EFCAB5: variants seen among roughly 807,000 people sequenced by gnomAD.
EFCAB5 encodes the protein EF-hand calcium-binding domain-containing protein 5.
In EFCAB5, 131 loss-of-function variants were observed where a neutral mutation model predicts 167.9. The ratio of observed to expected loss-of-function variants is 0.78; its 90% CI spans 0.68 to 0.90. The LOEUF (loss-of-function observed/expected upper bound fraction) is 0.90. Ranked by LOEUF, EFCAB5 falls within the 40% of genes least tolerant of loss-of-function variation. The pLI is 0.00. For synonymous variants in EFCAB5, 574 were observed against 602.8 expected (o/e 0.95, Z 0.70); for missense variants, 1,663 against 1,745.2 (o/e 0.95, Z 0.84).
chr17:30,080,861 A>G lies in EFCAB5; in HGVS notation c.3306A>G (p.Ser1102=), dbSNP rs367721405. ...QSRNKHDYNG[S]FLALPLQDAY... ...GTAATAAGCATGATTATAATGGTTC[A>G]TTCCTGGCTCTGCCTCTTCAAGATG... Residue 1102 remains serine (S), a synonymous_variant, in exon 17 of 23, where the codon TCA becomes TCG. Coordinates refer to ENST00000394835, the MANE Select transcript of EFCAB5 (RefSeq NM_198529.4). 1.9e-6 allele frequency: 3 copies of G among 1,613,786 alleles called. No individual in the cohort carries two copies. The highest frequency in any genetic ancestry group is 4.5e-5 in the East Asian group (2 of 44,888).
intron 4 of EFCAB5, among the ~76,000 whole-genome samples, chr17:29,981,286 G>C (rs888864153): frequency 2.0e-5 from 3 of 152,054 alleles, no homozygotes. Flanking sequence ...CTTGGCTCCT[G>C]CCTCTCTCCC....
At chr17:29,935,691 C>T (rs2067238730) in intron 1 of EFCAB5, among the ~76,000 whole-genome samples, 1 of 145,620 alleles carries the variant, frequency 6.9e-6, no homozygotes. Context: ...GTGAGTAATT[C>T]ATCCCACCTT....
chr17:30,025,862 C>A (rs1449782928), intron 7 of EFCAB5, among the ~76,000 whole-genome samples: 1 of 152,104 alleles, frequency 6.6e-6, no homozygotes, highest in Non-Finnish European at 1.5e-5. Flanking sequence ...AGTTCACGTC[C>A]TTTGTAGGGA....
chr17:29,953,981 G>A (rs1597574237), intron 3 of EFCAB5, among the ~76,000 whole-genome samples: 1 of 152,222 alleles, frequency 6.6e-6, no homozygotes, highest in Non-Finnish European at 1.5e-5. Context: ...GCAGCATTTT[G>A]CCCCTGCCCT....
chr17:30,068,545 A>G (rs2070640874), intron 14 of EFCAB5: 1 of 719,904 alleles, frequency 1.4e-6, no homozygotes, highest in Non-Finnish European at 2.2e-6. Flanking sequence ...TGGAAGAATT[A>G]ATATTGTGAA....
At chr17:29,986,840 G>T (rs1315779933) in intron 4 of EFCAB5, among the ~76,000 whole-genome samples, 2 of 151,392 alleles carry the variant, frequency 1.3e-5, no homozygotes, top group East Asian at 1.9e-4. Context: ...GTAGAGACAG[G>T]GTTTCACCGT....
chr17:30,108,075 T>C lies in EFCAB5; in HGVS notation c.*51T>C. ...TGTATTTAGGATCCTTTGTTTGTTA[T>C]CAGTTTTGTTTGTTAACTATAAAAT... On this transcript the variant is annotated 3_prime_UTR_variant, in exon 23 of 23. Transcript: ENST00000394835. 2.0e-6 allele frequency: 3 copies of C among 1,532,054 alleles called. No individual in the cohort carries two copies. The highest frequency in any genetic ancestry group is 1.7e-6 in the Non-Finnish European group (2 of 1,145,718). 94.9% of individuals were successfully genotyped at this position (1,532,054 alleles called of 1,614,324 possible). A position where few individuals can be genotyped will look rare whatever the true frequency, so the allele number is the denominator to read the frequency against.
At chr17:30,049,231 T>G (rs1031694059) in intron 8 of EFCAB5, among the ~76,000 whole-genome samples, 1 of 151,844 alleles carries the variant, frequency 6.6e-6, no homozygotes, top group African/African-American at 2.4e-5. Flanking sequence ...TTGTTAAAAT[T>G]TTTGCTTTGG....
intron 5 of EFCAB5, 145 bp downstream of exon 5, chr17:29,993,466 G>T: frequency 8.4e-6 from 5 of 594,422 alleles, no homozygotes; most frequent in Non-Finnish European, 7.4e-6. Context: ...GTCCGTGAGT[G>T]TTGATTCCTT....
At chr17:29,975,727 A>G (rs2068051902) in intron 4 of EFCAB5, among the ~76,000 whole-genome samples, 1 of 152,184 alleles carries the variant, frequency 6.6e-6, no homozygotes, top group Non-Finnish European at 1.5e-5. Context: ...TGTGGTTATG[A>G]AATTTTTATT....
intron 12 of EFCAB5, 73 bp downstream of exon 12, chr17:30,056,229 G>A: frequency 7.3e-7 from 1 of 1,364,874 alleles, no homozygotes; most frequent in Non-Finnish European, 1.0e-6. Flanking sequence ...GGTACTCGAT[G>A]ATAAAGACTG....
At chr17:29,955,433 C>A (rs749389317) in intron 3 of EFCAB5, among the ~76,000 whole-genome samples, 1 of 152,206 alleles carries the variant, frequency 6.6e-6, no homozygotes, top group African/African-American at 2.4e-5. Context: ...TGCGCATGCT[C>A]TGTCTCTTGC....
chr17:29,930,048 TGGGGGACGGGA>T, intron 1 of EFCAB5: 2 of 739,614 alleles, frequency 2.7e-6, no homozygotes, highest in South Asian at 2.9e-5. Context: ...GTCCTGAGTG[TGGGGGACGGGA>T]GGGTGACGGA....
chr17:29,960,922 C>T (rs1344339363), intron 3 of EFCAB5, among the ~76,000 whole-genome samples: 1 of 152,028 alleles, frequency 6.6e-6, no homozygotes, highest in Non-Finnish European at 1.5e-5. Context: ...AATTGAACTC[C>T]TGGGCTTAAG....
chr17:30,089,976 C>T lies in EFCAB5; in HGVS notation c.3684-445C>T, dbSNP rs74831032. ...TCATTCAGTCCCTCACAGGTTTCTCCAGCGAACACTCGCTCAGTAAATCAC... is the reference window on the plus strand; with the variant it reads ...TCATTCAGTCCCTCACAGGTTTCTCTAGCGAACACTCGCTCAGTAAATCAC... On this transcript the variant is annotated intron_variant, in intron 19 of 22. Transcript: ENST00000394835. 7.3e-3 allele frequency among the ~76,000 whole-genome samples: 1,112 copies of T among 152,314 alleles called. 20 individuals are homozygous for T. The highest frequency in any genetic ancestry group is 0.025 in the African/African-American group (1,056 of 41,552).
intron 14 of EFCAB5, among the ~76,000 whole-genome samples, chr17:30,075,190 A>G (rs1045128802): frequency 6.6e-6 from 1 of 152,152 alleles, no homozygotes; most frequent in African/African-American, 2.4e-5. Context: ...TCTATATGGA[A>G]CTAATCTCCC....
At chr17:29,936,398 A>G (rs1280033236) in intron 1 of EFCAB5, among the ~76,000 whole-genome samples, 1 of 152,206 alleles carries the variant, frequency 6.6e-6, no homozygotes, top group Non-Finnish European at 1.5e-5. Context: ...TGGCACATGT[A>G]TACATACATA....
intron 7 of EFCAB5, among the ~76,000 whole-genome samples, chr17:30,033,665 A>T (rs2151737463): frequency 6.6e-6 from 1 of 152,314 alleles, no homozygotes; most frequent in East Asian, 1.9e-4. Flanking sequence ...CACTTCTGGG[A>T]ATCTACTCAA....
chr17:30,041,824 G>A (rs1414149946), intron 8 of EFCAB5, among the ~76,000 whole-genome samples: 1 of 152,102 alleles, frequency 6.6e-6, no homozygotes, highest in African/African-American at 2.4e-5. Flanking sequence ...CAACATTAAG[G>A]TACAACCCTC....
Sources: gnomAD v4.1 joint callset for allele counts (sites outside exome capture counted in the v4.1 genomes callset) on GRCh38, gnomAD v4.1.1 for gene constraint, MANE v1.5 for transcripts, NCBI Gene and HGNC (gene_info 2026-07-23, HGNC 2026-07-21) for gene names.